Variants in CACNA2D3 observed in about 807,000 individuals in gnomAD.
CACNA2D3 encodes the protein voltage-dependent calcium channel subunit alpha-2/delta-3.
In CACNA2D3, 60 loss-of-function variants were observed where a neutral mutation model predicts 160.6. The ratio of observed to expected loss-of-function variants is 0.37; its 90% CI spans 0.30 to 0.46. The LOEUF (loss-of-function observed/expected upper bound fraction) is 0.46, where lower values mean the gene tolerates loss of function less well. CACNA2D3 is among the 20% of genes least tolerant of loss of function. The pLI, the probability that CACNA2D3 is intolerant of heterozygous loss-of-function variation, is 1.00. For missense variants in CACNA2D3, 1,205 were observed against 1,365.0 expected (o/e 0.88, Z 1.85); for synonymous variants, 558 against 492.9 (o/e 1.13, Z -1.75).
intron 31 of CACNA2D3, among the ~76,000 whole-genome samples, chr3:55,002,705 C>T (rs1013177688): frequency 6.6e-6 from 1 of 152,142 alleles, no homozygotes; most frequent in Non-Finnish European, 1.5e-5. Flanking sequence ...GAAGAAAAGA[C>T]CTTGAGGACT....
chr3:54,997,802 G>C (rs1342420147), intron 31 of CACNA2D3, among the ~76,000 whole-genome samples: 1 of 152,204 alleles, frequency 6.6e-6, no homozygotes, highest in Non-Finnish European at 1.5e-5. Context: ...GAGAATCACT[G>C]TTTTAAACAA....
At chr3:55,063,809 T>C (rs989573) in intron 35 of CACNA2D3, among the ~76,000 whole-genome samples, 19,032 of 152,166 alleles carry the variant, frequency 0.13, 2,140 homozygotes, top group East Asian at 0.28. Context: ...ACCTCAAGAA[T>C]GGGCCGTGGC....
At chr3:54,467,630 A>G (rs1700652298) in intron 4 of CACNA2D3, among the ~76,000 whole-genome samples, 1 of 152,202 alleles carries the variant, frequency 6.6e-6, no homozygotes. Context: ...CCAGGCACAT[A>G]AGGAAAAATA....
chr3:54,790,557 A>G lies in CACNA2D3; in HGVS notation c.1380+26206A>G, dbSNP rs558637534. Among the ~76,000 whole-genome samples, 3 of 152,334 alleles carry G rather than the reference A, an allele frequency of 2.0e-5. No homozygotes were observed. In the South Asian group the frequency reaches 6.2e-4, roughly 32 times the overall value. On this transcript the variant is annotated intron_variant, in intron 13 of 37. Transcript: ENST00000474759. The stretch of plus-strand genomic sequence containing the variant: ...AAACTTTAAAAACAGCTAGGGCCAA[A>G]TGAAACTCTACAGGTGCACCTTCTA...
chr3:55,069,535 G>A (rs535045848), intron 35 of CACNA2D3, among the ~76,000 whole-genome samples: 30 of 151,908 alleles, frequency 2.0e-4, no homozygotes, highest in African/African-American at 6.0e-4. Flanking sequence ...AATATTTTTC[G>A]TTGGTTATTG....
At chr3:54,550,580 G>C (rs1702140311) in intron 5 of CACNA2D3, among the ~76,000 whole-genome samples, 1 of 152,238 alleles carries the variant, frequency 6.6e-6, no homozygotes, top group Non-Finnish European at 1.5e-5. Context: ...GGCTTGAAGG[G>C]ATTGCATTTT....
At chr3:54,706,360 C>T (rs1258246761) in intron 11 of CACNA2D3, among the ~76,000 whole-genome samples, 1 of 152,224 alleles carries the variant, frequency 6.6e-6, no homozygotes, top group African/African-American at 2.4e-5. Flanking sequence ...GTGTTGTTCA[C>T]ATAACATTAA....
intron 2 of CACNA2D3, among the ~76,000 whole-genome samples, chr3:54,124,429 C>T (rs1415046669): frequency 6.6e-6 from 1 of 152,120 alleles, no homozygotes; most frequent in African/African-American, 2.4e-5. Flanking sequence ...AGCAGATCAA[C>T]AGGATTAATC....
intron 19 of CACNA2D3, 32 bp from the exon 20 acceptor site, chr3:54,879,318 T>C (rs758921621): frequency 4.5e-6 from 7 of 1,541,014 alleles, no homozygotes; most frequent in Middle Eastern, 3.5e-4. Flanking sequence ...TGTTTTCTTT[T>C]CTCTACGACT....
At chr3:54,969,756 A>G in intron 28 of CACNA2D3, 44 bp from the exon 29 acceptor site, 1 of 1,588,120 alleles carries the variant, frequency 6.3e-7, no homozygotes, top group Non-Finnish European at 8.6e-7. Context: ...TGGGATGCCC[A>G]AGTAACATAG....
At chr3:54,141,834 T>C (rs1699941849) in intron 2 of CACNA2D3, among the ~76,000 whole-genome samples, 1 of 152,228 alleles carries the variant, frequency 6.6e-6, no homozygotes, top group Admixed American at 6.5e-5. Context: ...CATTTATTCA[T>C]TCGTTTATTC....
At chr3:55,036,452 ATTTTATTTTTTATT>A (rs779682974) in intron 35 of CACNA2D3, among the ~76,000 whole-genome samples, 7 of 151,672 alleles carry the variant, frequency 4.6e-5, no homozygotes, top group African/African-American at 7.3e-5. Context: ...ATTTTTATTT[ATTTTATTTTTTATT>A]TTTTATTTTT....
At chr3:54,291,981 A>C (rs557514126) in intron 2 of CACNA2D3, among the ~76,000 whole-genome samples, 22 of 152,364 alleles carry the variant, frequency 1.4e-4, no homozygotes, top group Middle Eastern at 6.8e-3. Flanking sequence ...GAAAAACAAC[A>C]TTAGTTTGAT....
At chr3:54,536,641 C>T (rs1394056484) in intron 5 of CACNA2D3, among the ~76,000 whole-genome samples, 1 of 152,176 alleles carries the variant, frequency 6.6e-6, no homozygotes, top group Non-Finnish European at 1.5e-5. Flanking sequence ...GGGTAGGTGG[C>T]CAGTGAACAG....
At chr3:54,216,923 G>A (rs985496253) in intron 2 of CACNA2D3, among the ~76,000 whole-genome samples, 1 of 152,132 alleles carries the variant, frequency 6.6e-6, no homozygotes, top group Non-Finnish European at 1.5e-5. Flanking sequence ...CTGTTTGGTG[G>A]GGGGAGATAA....
At chr3:54,940,460 C>T (rs187820454) in intron 27 of CACNA2D3, among the ~76,000 whole-genome samples, 2 of 152,240 alleles carry the variant, frequency 1.3e-5, no homozygotes, top group East Asian at 3.9e-4. Context: ...TAAGCTCCAC[C>T]AACATTTCAG....
chr3:54,827,150 G>A (rs1703765811), intron 14 of CACNA2D3, among the ~76,000 whole-genome samples: 1 of 152,214 alleles, frequency 6.6e-6, no homozygotes, highest in African/African-American at 2.4e-5. Context: ...ACAGGCTCTG[G>A]CATCAGGTAG....
At chr3:54,296,658 C>T (rs1303228950) in intron 2 of CACNA2D3, among the ~76,000 whole-genome samples, 2 of 152,182 alleles carry the variant, frequency 1.3e-5, no homozygotes, top group South Asian at 2.1e-4. Flanking sequence ...CATTAGCTTT[C>T]CCTCAAAAAT....
At chr3:54,262,148 TA>T (rs1274391607) in intron 2 of CACNA2D3, among the ~76,000 whole-genome samples, 1 of 152,188 alleles carries the variant, frequency 6.6e-6, no homozygotes, top group Non-Finnish European at 1.5e-5. Context: ...TGGACTGACA[TA>T]AATCTATAGC....
Sources: gnomAD v4.1 joint callset for allele counts (sites outside exome capture counted in the v4.1 genomes callset) on GRCh38, gnomAD v4.1.1 for gene constraint, MANE v1.5 for transcripts, NCBI Gene and HGNC (gene_info 2026-07-23, HGNC 2026-07-21) for gene names.